The following RBFOX1 variants were observed in gnomAD, a reference collection of about 807,000 sequenced individuals.
RBFOX1 encodes the protein RNA binding fox-1 homolog 1.
RBFOX1 carries 8 observed loss-of-function variants against 57.7 expected under a neutral mutation model. The ratio of observed to expected loss-of-function variants is 0.14; its 90% CI spans 0.08 to 0.25. The LOEUF (loss-of-function observed/expected upper bound fraction) is 0.25, where lower values mean the gene tolerates loss of function less well. RBFOX1 is among the 10% of genes least tolerant of loss of function. RBFOX1 has a pLI of 1.00. For synonymous variants in RBFOX1, 326 were observed against 222.4 expected (o/e 1.47, Z -4.15); for missense variants, 611 against 548.5 (o/e 1.11, Z -1.14).
At chr16:7,246,890 G>A (rs184518933) in intron 4 of RBFOX1, among the ~76,000 whole-genome samples, 6 of 152,196 alleles carry the variant, frequency 3.9e-5, no homozygotes, top group African/African-American at 1.4e-4. Flanking sequence ...CACGAGACAG[G>A]AAAGTTATAC....
chr16:6,003,080 T>C (rs1301308781), intron 4 of RBFOX1, among the ~76,000 whole-genome samples: 1 of 151,648 alleles, frequency 6.6e-6, no homozygotes, highest in Non-Finnish European at 1.5e-5. Context: ...GAGATCGAGA[T>C]CATCCTGGCT....
At chr16:7,342,942 C>T (rs146756654) in intron 4 of RBFOX1, among the ~76,000 whole-genome samples, 2 of 152,138 alleles carry the variant, frequency 1.3e-5, no homozygotes, top group Non-Finnish European at 2.9e-5. Flanking sequence ...GAGAGTTGAT[C>T]AGTTTCAATA....
chr16:7,579,957 G>C, intron 6 of RBFOX1, 37 bp downstream of exon 6: 2 of 1,607,300 alleles, frequency 1.2e-6, no homozygotes, highest in African/African-American at 1.3e-5. Context: ...TGCCCGCTCT[G>C]GGGGTTCCAG....
At chr16:7,318,568 G>C (rs531520738) in intron 4 of RBFOX1, among the ~76,000 whole-genome samples, 1 of 152,284 alleles carries the variant, frequency 6.6e-6, no homozygotes, top group Non-Finnish European at 1.5e-5. Context: ...TTGTCATTAT[G>C]AAGACTAAAT....
chr16:5,650,705 C>G lies in RBFOX1; in HGVS notation c.318+51744C>G, dbSNP rs574082251. 3.3e-5 allele frequency among the ~76,000 whole-genome samples: 5 copies of G among 151,348 alleles called. No individual in the cohort carries two copies. In the South Asian group the frequency reaches 8.3e-4, roughly 25 times the overall value. Reference sequence around the variant, plus strand: ...TTACCAGGAGCCTACCTTCCTCTCTCTGTCTCTCTCTGTCTTCCCTTGCCT... The same window carrying G: ...TTACCAGGAGCCTACCTTCCTCTCTGTGTCTCTCTCTGTCTTCCCTTGCCT... On this transcript the variant is annotated intron_variant, in intron 3 of 19. Coordinates refer to the RBFOX1 transcript ENST00000641259.
chr16:6,997,638 A>G (rs769540889), intron 3 of RBFOX1, among the ~76,000 whole-genome samples: 1 of 152,180 alleles, frequency 6.6e-6, no homozygotes. Flanking sequence ...TAATTTTTAA[A>G]GGGTCTTTCT....
At chr16:6,811,391 C>T (rs2088524157) in intron 3 of RBFOX1, among the ~76,000 whole-genome samples, 1 of 152,164 alleles carries the variant, frequency 6.6e-6, no homozygotes, top group African/African-American at 2.4e-5. Flanking sequence ...TAGCTTTTAG[C>T]TAGATAACAT....
At chr16:7,175,391 C>T (rs759662403) in intron 4 of RBFOX1, among the ~76,000 whole-genome samples, 1 of 152,216 alleles carries the variant, frequency 6.6e-6, no homozygotes, top group African/African-American at 2.4e-5. Flanking sequence ...TTTCCTTTCC[C>T]TTATAAGTCA....
chr16:6,552,726 G>C (rs558516778), intron 2 of RBFOX1, among the ~76,000 whole-genome samples: 2 of 151,932 alleles, frequency 1.3e-5, no homozygotes, highest in South Asian at 4.2e-4. Flanking sequence ...ATACATATGT[G>C]TGTACATTTT....
At chr16:7,290,487 C>T (rs1010605286) in intron 4 of RBFOX1, among the ~76,000 whole-genome samples, 2 of 152,204 alleles carry the variant, frequency 1.3e-5, no homozygotes, top group African/African-American at 4.8e-5. Context: ...CAGCACCATG[C>T]TTCGCACAGA....
intron 4 of RBFOX1, among the ~76,000 whole-genome samples, chr16:7,101,287 T>A (rs865823358): frequency 6.6e-6 from 1 of 152,280 alleles, no homozygotes; most frequent in Middle Eastern, 3.4e-3. Flanking sequence ...GCCGCTAGCT[T>A]GGATGAATAC....
In RBFOX1 at chr16:7,455,438, C is replaced by G. The variant is rs185837182; in HGVS notation, c.28-62709C>G. 1.7e-3 allele frequency among the ~76,000 whole-genome samples: 262 copies of G among 152,084 alleles called. 1 individual carries two copies. The highest frequency in any genetic ancestry group is 6.8e-3 in the Middle Eastern group (2 of 294). ...ATATAACAGCTCCCAGAGTTGTTTG[C>G]AAGAAAATATTAAATATTTACATAG... On this transcript the variant is annotated intron_variant, in intron 4 of 15. Transcript: ENST00000550418.
intron 1 of RBFOX1, among the ~76,000 whole-genome samples, chr16:6,280,382 C>T (rs1416738683): frequency 6.6e-6 from 1 of 152,082 alleles, no homozygotes; most frequent in East Asian, 1.9e-4. Context: ...TATCAGCTCA[C>T]CCACCCCTAG....
intron 1 of RBFOX1, among the ~76,000 whole-genome samples, chr16:5,342,962 C>T (rs1442909394): frequency 1.3e-5 from 2 of 152,152 alleles, no homozygotes; most frequent in Non-Finnish European, 2.9e-5. Flanking sequence ...TGGGTAATTT[C>T]TCTTCTATTA....
intron 1 of RBFOX1, among the ~76,000 whole-genome samples, chr16:6,068,386 T>G (rs9936222): frequency 6.6e-6 from 1 of 152,166 alleles, no homozygotes; most frequent in Non-Finnish European, 1.5e-5. Context: ...AGCCAGTGCC[T>G]TTATACAAAG....
At chr16:6,210,849 G>T (rs2097291891) in intron 1 of RBFOX1, among the ~76,000 whole-genome samples, 1 of 152,208 alleles carries the variant, frequency 6.6e-6, no homozygotes, top group Admixed American at 6.5e-5. Context: ...CAGTCCTTAA[G>T]TGAACGGTGC....
chr16:6,052,838 T>TAATAA (rs1567340009), intron 1 of RBFOX1, among the ~76,000 whole-genome samples: 5 of 87,208 alleles, frequency 5.7e-5, no homozygotes, highest in African/African-American at 1.7e-4. Flanking sequence ...AATAATAATA[T>TAATAA]TAATGCCTAT....
intron 1 of RBFOX1, among the ~76,000 whole-genome samples, chr16:5,418,673 T>G (rs2067226445): frequency 6.6e-6 from 1 of 152,126 alleles, no homozygotes; most frequent in African/African-American, 2.4e-5. Flanking sequence ...CCTTCCCCCT[T>G]CTTTCCTCCC....
chr16:6,664,085 T>A (rs1309759960), intron 3 of RBFOX1, among the ~76,000 whole-genome samples: 2 of 152,204 alleles, frequency 1.3e-5, no homozygotes, highest in Non-Finnish European at 2.9e-5. Context: ...TTTCTTTGTC[T>A]TATAGAGTCT....
Sources: gnomAD v4.1 joint callset for allele counts (sites outside exome capture counted in the v4.1 genomes callset) on GRCh38, gnomAD v4.1.1 for gene constraint, MANE v1.5 for transcripts, NCBI Gene and HGNC (gene_info 2026-07-23, HGNC 2026-07-21) for gene names.